Variants in GRM7 observed in about 807,000 individuals in gnomAD.
GRM7 encodes the protein glutamate metabotropic receptor 7.
Under a neutral mutation model 84.5 loss-of-function variants are expected in GRM7, and 35 were observed. The observed-to-expected ratio is 0.41, with a 90% CI of 0.32 to 0.55. The LOEUF is 0.55. Ranked by LOEUF, GRM7 falls within the 20% of genes least tolerant of loss-of-function variation. GRM7 has a pLI of 0.19. For missense variants in GRM7, 1,003 were observed against 1,194.6 expected (o/e 0.84, Z 2.36); for synonymous variants, 487 against 455.1 (o/e 1.07, Z -0.89).
chr3:6,894,250 T>C (rs1216832071), intron 1 of GRM7, among the ~76,000 whole-genome samples: 1 of 152,146 alleles, frequency 6.6e-6, no homozygotes. Context: ...TATTAAGCAG[T>C]CTAGGAAATT....
At chr3:7,016,847 T>C (rs374034111) in intron 1 of GRM7, among the ~76,000 whole-genome samples, 169 of 152,302 alleles carry the variant, frequency 1.1e-3, no homozygotes, top group African/African-American at 3.7e-3. Context: ...ACTTGCCCAA[T>C]GTCACCCACT....
intron 8 of GRM7, among the ~76,000 whole-genome samples, chr3:7,597,206 T>C (rs1040301055): frequency 1.3e-5 from 2 of 152,074 alleles, no homozygotes; most frequent in Non-Finnish European, 2.9e-5. Flanking sequence ...GCATCTCACA[T>C]GGCAGGAGGA....
chr3:7,586,801 C>G (rs995454117), intron 8 of GRM7, among the ~76,000 whole-genome samples: 15 of 152,140 alleles, frequency 9.9e-5, no homozygotes, highest in Non-Finnish European at 1.9e-4. Flanking sequence ...GAGCCAGACT[C>G]TGTCTCAAAA....
intron 4 of GRM7, among the ~76,000 whole-genome samples, chr3:7,358,567 A>G (rs1693512126): frequency 6.7e-6 from 1 of 148,496 alleles, no homozygotes; most frequent in African/African-American, 2.5e-5. Flanking sequence ...TTTTAATCTC[A>G]TAAAGGTTCT....
At chr3:6,900,595 C>T (rs1402254957) in intron 1 of GRM7, among the ~76,000 whole-genome samples, 2 of 152,140 alleles carry the variant, frequency 1.3e-5, no homozygotes, top group African/African-American at 4.8e-5. Flanking sequence ...CTGTTAGCTA[C>T]ATCAGATTTG....
intron 4 of GRM7, among the ~76,000 whole-genome samples, chr3:7,413,902 C>G (rs1395827129): frequency 1.3e-5 from 2 of 152,072 alleles, no homozygotes; most frequent in African/African-American, 2.4e-5. Flanking sequence ...TATTCTTTAT[C>G]AACTCTCCAA....
chr3:7,594,700 T>C (rs1201784437), intron 8 of GRM7, among the ~76,000 whole-genome samples: 1 of 152,104 alleles, frequency 6.6e-6, no homozygotes, highest in Non-Finnish European at 1.5e-5. Context: ...AGAGGTGAGC[T>C]GCAACCAGGG....
At chr3:6,893,059 G>A (rs1027370639) in intron 1 of GRM7, 1 of 151,924 alleles carries the variant, frequency 6.6e-6, no homozygotes, top group African/African-American at 2.4e-5. Context: ...CTAGATGAAG[G>A]GCATATCATC....
At chr3:7,673,142 A>T (rs780443138) in intron 8 of GRM7, among the ~76,000 whole-genome samples, 5 of 152,204 alleles carry the variant, frequency 3.3e-5, no homozygotes, top group African/African-American at 4.8e-5. Flanking sequence ...AGAGACCATC[A>T]TTTGATCCCA....
At chr3:6,972,250 A>G (rs548256649) in intron 1 of GRM7, among the ~76,000 whole-genome samples, 3 of 152,250 alleles carry the variant, frequency 2.0e-5, no homozygotes, top group South Asian at 2.1e-4. Context: ...AAGGCACTCA[A>G]TTTATTAAAA....
chr3:7,244,798 A>C (rs1031458449), intron 2 of GRM7, among the ~76,000 whole-genome samples: 1 of 152,056 alleles, frequency 6.6e-6, no homozygotes, highest in African/African-American at 2.4e-5. Flanking sequence ...AGAAGTGAGA[A>C]ACATTCGACT....
intron 7 of GRM7, among the ~76,000 whole-genome samples, chr3:7,497,230 A>T (rs577708497): frequency 6.6e-6 from 1 of 152,016 alleles, no homozygotes; most frequent in Non-Finnish European, 1.5e-5. Context: ...GTCATGTGTA[A>T]ACCTACAATT....
chr3:7,421,243 A>G (rs944898475), intron 5 of GRM7, among the ~76,000 whole-genome samples: 2 of 152,210 alleles, frequency 1.3e-5, no homozygotes, highest in African/African-American at 2.4e-5. Flanking sequence ...AGCGCCACCT[A>G]TGTTAATTGC....
intron 1 of GRM7, among the ~76,000 whole-genome samples, chr3:6,965,579 C>T (rs1374517203): frequency 6.6e-6 from 1 of 152,104 alleles, no homozygotes; most frequent in African/African-American, 2.4e-5. Context: ...AAGAGATCTT[C>T]CTGCCACAGC....
intron 7 of GRM7, among the ~76,000 whole-genome samples, chr3:7,491,684 G>C (rs1449845252): frequency 1.3e-5 from 2 of 152,144 alleles, no homozygotes; most frequent in Admixed American, 6.6e-5. Flanking sequence ...TTGGATGCCA[G>C]CTCCTCTACA....
chr3:7,237,877 C>T (rs1451455978), intron 2 of GRM7, among the ~76,000 whole-genome samples: 1 of 152,020 alleles, frequency 6.6e-6, no homozygotes, highest in African/African-American at 2.4e-5. Context: ...CGTTTACAAA[C>T]CTTTAGCTAG....
chr3:7,472,336 A>T (rs1052441173), intron 7 of GRM7, among the ~76,000 whole-genome samples: 4 of 143,904 alleles, frequency 2.8e-5, no homozygotes, highest in African/African-American at 1.2e-4. Context: ...TGTAAATAGG[A>T]ATGTTATGAA....
chr3:6,989,945 T>C (rs2124852699), intron 1 of GRM7, among the ~76,000 whole-genome samples: 1 of 152,354 alleles, frequency 6.6e-6, no homozygotes, highest in South Asian at 2.1e-4. Flanking sequence ...TGAACAGCTG[T>C]TGCTTCCCTT....
intron 1 of GRM7, among the ~76,000 whole-genome samples, chr3:6,872,466 TA>T (rs1405444163): frequency 4.6e-5 from 7 of 152,142 alleles, no homozygotes; most frequent in African/African-American, 1.4e-4. Flanking sequence ...AAGATCGTTG[TA>T]TTTTTTTTAA....
Sources: gnomAD v4.1 joint callset for allele counts (sites outside exome capture counted in the v4.1 genomes callset) on GRCh38, gnomAD v4.1.1 for gene constraint, MANE v1.5 for transcripts, NCBI Gene and HGNC (gene_info 2026-07-23, HGNC 2026-07-21) for gene names.